The following STAG2 variants were observed in gnomAD, a reference collection of about 807,000 sequenced individuals.
STAG2 encodes cohesin subunit SA-2.
In STAG2, 14 loss-of-function variants were observed where a neutral mutation model predicts 108.1. The observed-to-expected ratio is 0.13, with a 90% confidence interval of 0.09 to 0.20. The LOEUF is 0.20. Among genes scored for constraint, STAG2 ranks in the 10% least tolerant of loss-of-function variants. The pLI is 1.00. For synonymous variants in STAG2, 307 were observed against 302.7 expected (o/e 1.01, Z -0.15); for missense variants, 440 against 940.9 (o/e 0.47, Z 6.96).
chrX:123,993,714 G>A (rs1278455733), intron 1 of STAG2, among the ~76,000 whole-genome samples: 2 of 111,451 alleles, frequency 1.8e-5, no homozygotes, highest in Non-Finnish European at 3.8e-5. Context: ...AGTGGAGTAT[G>A]GATTCACCTA....
intron 28 of STAG2, among the ~76,000 whole-genome samples, chrX:124,082,701 T>C (rs970143548): frequency 2.7e-5 from 3 of 111,590 alleles, no homozygotes; most frequent in Non-Finnish European, 5.6e-5. Context: ...GCTTCCTCCC[T>C]CAACTTTAAT....
At chrX:124,083,379 C>T in intron 28 of STAG2, 42 bp from the exon 29 acceptor site, 1 of 1,040,016 alleles carries the variant, frequency 9.6e-7, no homozygotes, top group Non-Finnish European at 1.3e-6. Flanking sequence ...TATTATAGTC[C>T]CTCAAATATT....
rs750421420 is a variant in STAG2, at chrX:124,005,051, A to C, written c.-162-16316A>C. Among the ~76,000 whole-genome samples, 10 of 112,498 alleles carry C rather than the reference A, an allele frequency of 8.9e-5. No individual in the cohort carries two copies. In the South Asian group the frequency reaches 1.1e-3, roughly 12 times the overall value. ...TAGTGTTTTCACATAACCTACACAC[A>C]TCTTCCTGTATACTTTAAATCATCT... On this transcript the variant is annotated intron_variant, in intron 1 of 34. Coordinates refer to ENST00000371145, the MANE Select transcript of STAG2 (RefSeq NM_001042750.2).
chrX:124,079,714 C>T (rs1029010305), intron 27 of STAG2, among the ~76,000 whole-genome samples: 3 of 112,514 alleles, frequency 2.7e-5, no homozygotes, highest in African/African-American at 9.7e-5. Context: ...GCTAGCTGTA[C>T]TGTTTAGAAA....
chrX:124,038,013 G>C (rs911747573), intron 6 of STAG2, among the ~76,000 whole-genome samples: 4 of 111,612 alleles, frequency 3.6e-5, no homozygotes, highest in Admixed American at 9.6e-5. Flanking sequence ...ATGAATAACA[G>C]TAAGTAAGCA....
chrX:124,036,727 T>G (rs1328373023), intron 5 of STAG2, among the ~76,000 whole-genome samples: 2 of 111,246 alleles, frequency 1.8e-5, no homozygotes, highest in African/African-American at 6.5e-5. Context: ...CCGAAAGGAA[T>G]AAAGTATTCC....
intron 1 of STAG2, among the ~76,000 whole-genome samples, chrX:124,003,118 C>T (rs1164310568): frequency 9.2e-6 from 1 of 108,670 alleles, no homozygotes; most frequent in African/African-American, 3.4e-5. Context: ...CAGGGATGTG[C>T]CACCACGCCT....
chrX:124,004,236 A>G (rs2056188769), intron 1 of STAG2, among the ~76,000 whole-genome samples: 1 of 111,595 alleles, frequency 9.0e-6, no homozygotes, highest in Non-Finnish European at 1.9e-5. Flanking sequence ...CACCAATCCT[A>G]ATCCCTCCTA....
intron 5 of STAG2, among the ~76,000 whole-genome samples, chrX:124,036,007 T>C (rs1461807053): frequency 8.9e-6 from 1 of 112,580 alleles, no homozygotes; most frequent in Non-Finnish European, 1.9e-5. Flanking sequence ...TTTTGCTGTT[T>C]ATTGCCTATA....
intron 1 of STAG2, among the ~76,000 whole-genome samples, chrX:123,980,312 C>T (rs978298134): frequency 1.8e-5 from 2 of 110,457 alleles, no homozygotes; most frequent in African/African-American, 6.6e-5. Flanking sequence ...GCCGGAGGGT[C>T]AGAGGTGAAA....
chrX:124,092,468 C>G (rs1327253906), intron 32 of STAG2, among the ~76,000 whole-genome samples: 1 of 111,924 alleles, frequency 8.9e-6, no homozygotes, highest in African/African-American at 3.2e-5. Context: ...CTATATCTCT[C>G]CCCATAAAAC....
chrX:124,056,304 T>C (rs2058192843), intron 14 of STAG2, 69 bp downstream of exon 14: 18 of 682,015 alleles, frequency 2.6e-5, no homozygotes, highest in Non-Finnish European at 3.5e-5. Flanking sequence ...TATGTTATAC[T>C]TGACATTAAG....
At chrX:124,083,181 A>G (rs1231041453) in intron 28 of STAG2, among the ~76,000 whole-genome samples, 1 of 100,852 alleles carries the variant, frequency 9.9e-6, no homozygotes, top group African/African-American at 3.4e-5. Flanking sequence ...ATTCAGACTG[A>G]AAGCTAAGTG....
chrX:124,070,588 G>A (rs780424299), intron 24 of STAG2, among the ~76,000 whole-genome samples: 3 of 112,188 alleles, frequency 2.7e-5, no homozygotes, highest in Admixed American at 1.9e-4. Flanking sequence ...CTGATAAATA[G>A]TAAGCAGCCC....
At chrX:124,083,805 A>G (rs2059024784) in intron 29 of STAG2, among the ~76,000 whole-genome samples, 2 of 112,041 alleles carry the variant, frequency 1.8e-5, no homozygotes, top group Admixed American at 9.5e-5. Context: ...TTTATGTATT[A>G]TTTAAGAGAC....
intron 5 of STAG2, 126 bp from the exon 6 acceptor site, chrX:124,037,401 G>A (rs1252896207): frequency 4.2e-6 from 1 of 237,626 alleles, no homozygotes; most frequent in African/African-American, 2.9e-5. Flanking sequence ...AAATTTCAGT[G>A]TATAAGTATT....
chrX:124,078,055 A>T lies in STAG2; in HGVS notation c.2772A>T (p.Gln924His). The change falls in exon 27 of 35, where the codon CAA becomes CAT. Residue 924 changes from glutamine to histidine, a missense_variant. This residue lies in a region of STAG2 where 337 missense variants were observed against 649.3 expected (regional missense o/e 0.52). Coordinates refer to ENST00000371145, the MANE Select transcript of STAG2 (RefSeq NM_001042750.2). Reference protein sequence around the residue: ...QCAKTLILSLQQLFNEMIQEN... With the variant: ...QCAKTLILSLHQLFNEMIQEN... ...CTAAGACCCTTATTCTCAGTCTGCA[A>T]CAGGTAAGCATTAAGAGTACCAACT... 1 of 1,171,977 alleles carries T rather than the reference A, an allele frequency of 8.5e-7. No individual in the cohort carries two copies. Among genetic ancestry groups the T allele is most frequent in the Non-Finnish European group, 1.2e-6 (1 of 868,186 alleles).
rs751535116 is a variant in STAG2, at chrX:124,095,487, C to T, written c.3783+38C>T. ...TAAATGTACCCTAGGATTGCAAAATCAGAAGTATAGGCAGTCTCTCAGTTT... is the reference window on the plus strand; with the variant it reads ...TAAATGTACCCTAGGATTGCAAAATTAGAAGTATAGGCAGTCTCTCAGTTT... On this transcript the variant is annotated intron_variant, in intron 34 of 34. Transcript: ENST00000371145. 6 of 1,067,364 alleles carry T rather than the reference C, an allele frequency of 5.6e-6. No individual in the cohort carries two copies. In the South Asian group the frequency reaches 9.4e-5, roughly 17 times the overall value. 88.0% of individuals were successfully genotyped at this position (1,067,364 alleles called of 1,213,427 possible).
intron 27 of STAG2, among the ~76,000 whole-genome samples, chrX:124,079,579 G>A (rs949807501): frequency 1.8e-5 from 2 of 111,897 alleles, no homozygotes; most frequent in Non-Finnish European, 3.8e-5. Flanking sequence ...CCAGGAGTTG[G>A]AGGCCAGCCT....
Sources: allele counts gnomAD v4.1 joint callset (sites outside exome capture counted in the v4.1 genomes callset), GRCh38; gene constraint gnomAD v4.1.1; regional missense constraint gnomAD v4.1.1; transcripts MANE v1.5; gene names NCBI Gene and HGNC (gene_info 2026-07-23, HGNC 2026-07-21).